ABCA2: variants seen among roughly 807,000 people sequenced by gnomAD.
ABCA2 encodes the protein ATP binding cassette subfamily A member 2, also known as ATP-binding cassette sub-family A member 2.
A neutral mutation model predicts 262.8 loss-of-function variants in ABCA2; 84 were observed. The ratio of observed to expected loss-of-function variants is 0.32; its 90% CI spans 0.27 to 0.38. The LOEUF is 0.38. ABCA2 is among the 10% of genes least tolerant of loss of function. The pLI, the probability that ABCA2 is intolerant of heterozygous loss-of-function variation, is 1.00. For missense variants in ABCA2, 2,662 were observed against 3,405.9 expected, an observed-to-expected ratio of 0.78 and a Z score of 5.44; for synonymous variants, 1,696 against 1,502.9, an observed-to-expected ratio of 1.13 and a Z score of -2.97.
intron 6 of ABCA2, 96 bp from the exon 7 acceptor site, chr9:137,022,097 G>T (rs1831479377): frequency 1.4e-6 from 1 of 699,636 alleles, no homozygotes. Context: ...GCGTGGCTTA[G>T]ATGGTGGGGG....
chr9:137,028,574 G>C, upstream of ABCA2: 1 of 775,162 alleles, frequency 1.3e-6, no homozygotes, highest in South Asian at 3.0e-5. This position sits in a 1 kb window ranked among gnomAD's most constrained non-coding sequence, Gnocchi z 6.9. Flanking sequence ...TGCGCCCACC[G>C]CGCTGGCGAC....
intron 3 of ABCA2, chr9:137,023,548 A>G: frequency 1.3e-6 from 1 of 748,212 alleles, no homozygotes; most frequent in Non-Finnish European, 2.5e-6. Flanking sequence ...GCCCAGACTC[A>G]GCCCAGAAGC....
In ABCA2 at chr9:137,016,982, A is replaced by C. The variant is rs1430073421; in HGVS notation, c.2696T>G (p.Met899Arg). Reference sequence around the variant, plus strand: ...ATAGACCACGGCGTCCACCATCAGCATGGTGACAGCCAGGAGCAAGTTGAA... The same window carrying C: ...ATAGACCACGGCGTCCACCATCAGCCTGGTGACAGCCAGGAGCAAGTTGAA... The part of the protein sequence containing the change: ...DDFNLLLAVT[M>R]LMVDAVVYGI... The change falls in exon 19 of 49, where the codon ATG becomes AGG. Residue 899 changes from methionine (M) to arginine (R), a missense_variant. This residue lies in a region of ABCA2 where 188 missense variants were observed against 343.4 expected (regional missense o/e 0.55). Transcript: ENST00000341511. The C allele has an allele frequency of 6.2e-7, 1 of 1,612,804 alleles. No individual in the cohort carries two copies. Among genetic ancestry groups the C allele is most frequent in the Admixed American group, 1.7e-5 (1 of 60,024 alleles).
Position 137,010,057 on chromosome 9 carries a change from C to T in ABCA2, c.6421G>A (p.Asp2141Asn), listed in dbSNP as rs755962897. ...GYCPQCDALF[D>N]ELTAREHLQL... ...AGGTGCTCCCGGGCCGTGAGCTCGT[C>T]GAACAGCGCGTCACACTGCGGGCAG... Residue 2141 changes from aspartate to asparagine, a missense_variant, in exon 42 of 49, where the codon GAC (aspartate) becomes AAC (asparagine). Physicochemically the swap from Asp to Asn is conservative, Grantham distance 23. This residue lies in a region of ABCA2 where 602 missense variants were observed against 897.4 expected (regional missense o/e 0.67). Transcript: ENST00000341511. 5.6e-6 allele frequency: 9 copies of T among 1,601,144 alleles called. No homozygotes were observed. The Admixed American group carries it at 6.7e-5, about 12-fold the overall frequency.
Position 137,007,812 on chromosome 9 carries a change from T to C in ABCA2, c.*117A>G, listed in dbSNP as rs1038346308. 1.4e-6 allele frequency: 2 copies of C among 1,428,638 alleles called. No homozygotes were observed. The highest frequency in any genetic ancestry group is 1.4e-5 in the African/African-American group (1 of 70,816). 88.5% of individuals were successfully genotyped at this position (1,428,638 alleles called of 1,614,324 possible). Reference sequence around the variant, plus strand: ...TGGAGGACCAGAAGCCCCTTGGTCCTGAACCTCCACTCCAGGCCCTGGCAG... The same window carrying C: ...TGGAGGACCAGAAGCCCCTTGGTCCCGAACCTCCACTCCAGGCCCTGGCAG... On this transcript the variant is annotated 3_prime_UTR_variant, in exon 49 of 49. Transcript: ENST00000341511.
rs748712918 is a variant in ABCA2, at chr9:137,016,105, C to T, written c.3174G>A (p.Thr1058=). Residue 1058 remains threonine (T), a synonymous_variant, in exon 22 of 49, where the codon ACG becomes ACA. Transcript: ENST00000341511. ...GGTTCTTGCGGATCTCATCCATCTC[C>T]GTGCGGATGTCGTGCCCGTAGATGG... ...SATIYGHDIR[T]EMDEIRKNLG... 33 of 1,612,740 alleles carry T rather than the reference C, an allele frequency of 2.0e-5. No individual in the cohort carries two copies. The highest frequency in any genetic ancestry group is 1.6e-4 in the Middle Eastern group (1 of 6,084).
chr9:137,013,473 C>G lies in ABCA2; in HGVS notation c.4538G>C (p.Arg1513Pro). ...CTGGAGGCCTCACCGGTACTCGCGG[C>G]GCTCCTCGTTGGCGTAGGGGATGAA... ...GNFIPYANEE[R>P]REYRLRLSPD... The change falls in exon 29 of 49, where the codon CGC (arginine) becomes CCC (proline). Residue 1513 changes from arginine to proline, a missense_variant. By Grantham distance (103) the Arg-to-Pro change is moderately radical. Coordinates refer to ENST00000341511, the MANE Select transcript of ABCA2 (RefSeq NM_001606.5). The G allele has an allele frequency of 6.2e-7, 1 of 1,606,790 alleles. No individual in the cohort carries two copies. The highest frequency in any genetic ancestry group is 8.5e-7 in the Non-Finnish European group (1 of 1,178,230).
At position 137,016,338 on chromosome 9, in the gene ABCA2, C is replaced by T. The variant is rs775810666; in HGVS notation, c.3057G>A (p.Gln1019=). 6.2e-7 allele frequency: 1 copy of T among 1,612,898 alleles called. No individual in the cohort carries two copies. Among genetic ancestry groups the T allele is most frequent in the Admixed American group, 1.7e-5 (1 of 60,022 alleles). The part of the protein sequence containing the change: ...NKLSLNLYEN[Q]VVSFLGHNGA... ...CGTTGTGGCCCAAGAAGGAGACCAC[C>T]TGGTTCTCGTAGAGGTTCAGGCTCA... Residue 1019 remains glutamine, a synonymous_variant, in exon 21 of 49, where the codon CAG becomes CAA. Coordinates refer to ENST00000341511, the MANE Select transcript of ABCA2 (RefSeq NM_001606.5).
chr9:137,023,081 C>T (rs367626130), intron 3 of ABCA2, 29 bp from the exon 4 acceptor site: 9 of 1,511,048 alleles, frequency 6.0e-6, no homozygotes, highest in Non-Finnish European at 7.2e-6. Context: ...AGGGCAGGGT[C>T]GGGGGTGAAA....
Position 137,020,981 on chromosome 9 carries a change from G to C in ABCA2, c.978C>G (p.Asp326Glu). 1 of 1,536,542 alleles carries C rather than the reference G, an allele frequency of 6.5e-7. No individual in the cohort carries two copies. Among genetic ancestry groups the C allele is most frequent in the Non-Finnish European group, 8.8e-7 (1 of 1,140,718 alleles). Reference sequence around the variant, plus strand: ...GCAGAACCTTCTGGGCATCCAGCAGGTCCCCCAGAAGCGCCTGCAGCCTCC... The same window carrying C: ...GCAGAACCTTCTGGGCATCCAGCAGCTCCCCCAGAAGCGCCTGCAGCCTCC... The part of the protein sequence containing the change: ...PPRRLQALLG[D>E]LLDAQKVLQD... The change falls in exon 9 of 49, where the codon GAC becomes GAG. Residue 326 changes from aspartate to glutamate, a missense_variant. By Grantham distance (45) the Asp-to-Glu change is conservative. Around this residue, in one of 12 missense-constraint regions of ABCA2, gnomAD observed 403 missense variants for 375.9 expected, o/e 1.07. Transcript: ENST00000341511.
rs1242555147 is a variant in ABCA2, at chr9:137,009,013, T to C, written c.6868A>G (p.Ser2290Gly). Reference protein sequence around the residue: ...GYMITVRTKSSQSVKDVVRFF... With the variant: ...GYMITVRTKSGQSVKDVVRFF... Reference sequence around the variant, plus strand: ...CGCACCACGTCCTTCACACTCTGGCTGCTCTTGGTCCGCACCGTGATCATG... The same window carrying C: ...CGCACCACGTCCTTCACACTCTGGCCGCTCTTGGTCCGCACCGTGATCATG... Residue 2290 changes from serine (S) to glycine (G), a missense_variant, in exon 46 of 49, where the codon AGC (serine) becomes GGC (glycine). By Grantham distance (56) the Ser-to-Gly change is moderately conservative (BLOSUM62 0). Transcript: ENST00000341511. The C allele has an allele frequency of 1.2e-6, 2 of 1,607,944 alleles. No individual in the cohort carries two copies. The highest frequency in any genetic ancestry group is 3.3e-5 in the Admixed American group (2 of 59,792).
In ABCA2 at chr9:137,018,217, C is replaced by T; in HGVS notation, c.1954G>A (p.Gly652Ser). The T allele has an allele frequency of 1.9e-6, 3 of 1,611,284 alleles. No homozygotes were observed. Among genetic ancestry groups the T allele is most frequent in the Middle Eastern group, 1.7e-4 (1 of 6,058 alleles). Residue 652 changes from glycine to serine, a missense_variant, in exon 14 of 49, where the codon GGC (glycine) becomes AGC (serine). Transcript: ENST00000341511. ...AYWRPGPNTGGRFYFLYGFVW... is the reference protein window; with the variant it reads ...AYWRPGPNTGSRFYFLYGFVW... ...AAGCCGTAGAGGAAGTAGAAGCGGC[C>T]GCCAGTATTGGGCCCAGGCCGCCAG...
chr9:137,011,046 C>T lies in ABCA2; in HGVS notation c.5983G>A (p.Ala1995Thr). 6.2e-7 allele frequency: 1 copy of T among 1,611,348 alleles called. No individual in the cohort carries two copies. Among genetic ancestry groups the T allele is most frequent in the Non-Finnish European group, 8.5e-7 (1 of 1,179,608 alleles). ...EWDIVTRGLV[A>T]MAVEGVVGFL... The stretch of plus-strand genomic sequence containing the variant: ...CCCACGACGCCCTCAACCGCCATGG[C>T]CACCAGTCCGCGGGTGACAATGTCC... Residue 1995 changes from alanine to threonine, a missense_variant, in exon 39 of 49, where the codon GCC (alanine) becomes ACC (threonine). By Grantham distance (58) the Ala-to-Thr change is moderately conservative. Around this residue, in one of 12 missense-constraint regions of ABCA2, gnomAD observed 602 missense variants for 897.4 expected, o/e 0.67. Coordinates refer to ENST00000341511, the MANE Select transcript of ABCA2 (RefSeq NM_001606.5). This position sits in a 1 kb window ranked among gnomAD's most constrained non-coding sequence, Gnocchi z 8.8.
In ABCA2 at chr9:137,007,556, A is replaced by C; in HGVS notation, c.*373T>G. On this transcript the variant is annotated 3_prime_UTR_variant, in exon 49 of 49. Transcript: ENST00000341511. ...CGCTCTCGGCATCAGCCTTCATCGT[A>C]AGAGAGAAAAGCTGGTTCCGAGGCC... is the stretch of plus-strand genomic sequence containing the variant. 2 of 333,146 alleles carry C rather than the reference A, an allele frequency of 6.0e-6. No individual in the cohort carries two copies. Among genetic ancestry groups the C allele is most frequent in the Admixed American group, 4.4e-5 (1 of 22,484 alleles). The allele number at this position is 333,146 out of a possible 1,614,324, so 20.6% of individuals were successfully genotyped here. A position where few individuals can be genotyped will look rare whatever the true frequency, so the allele number is the denominator to read the frequency against.
At position 137,012,298 on chromosome 9, in the gene ABCA2, G is replaced by T. The variant is rs747080904; in HGVS notation, c.5266C>A (p.Leu1756Met). The T allele has an allele frequency of 6.2e-7, 1 of 1,611,780 alleles. No homozygotes were observed. The highest frequency in any genetic ancestry group is 2.2e-5 in the East Asian group (1 of 44,830). The change falls in exon 33 of 49, where the codon CTG (leucine) becomes ATG (methionine). Residue 1756 changes from leucine (L) to methionine (M), a missense_variant. By Grantham distance (15) the Leu-to-Met change is conservative. Around this residue, in one of 12 missense-constraint regions of ABCA2, gnomAD observed 602 missense variants for 897.4 expected, o/e 0.67. Transcript: ENST00000341511. ...GCCGGGTTGCCCTTGCTCTTGGGCA[G>T]GTTGGCACGCAGGATGGCGTTGTTG... Reference protein sequence around the residue: ...SLNNAILRANLPKSKGNPAAY... With the variant: ...SLNNAILRANMPKSKGNPAAY...
At position 137,017,198 on chromosome 9, in the gene ABCA2, C is replaced by T. The variant is rs1396280548; in HGVS notation, c.2551G>A (p.Ala851Thr). Residue 851 changes from alanine (A) to threonine (T), a missense_variant and splice_region_variant, in exon 18 of 49, where the codon GCG (alanine) becomes ACG (threonine). Physicochemically the swap from Ala to Thr is moderately conservative, Grantham distance 58. Coordinates refer to ENST00000341511, the MANE Select transcript of ABCA2 (RefSeq NM_001606.5). ...DKITAFEKCI[A>T]SLMSTTAFGL... ...GCCCGCCTGCCCGCGACCCTCACCGCGATGCACTTCTCGAAGGCCGTGATC... is the reference window on the plus strand; with the variant it reads ...GCCCGCCTGCCCGCGACCCTCACCGTGATGCACTTCTCGAAGGCCGTGATC... 1 of 1,612,482 alleles carries T rather than the reference C, an allele frequency of 6.2e-7. No homozygotes were observed. The highest frequency in any genetic ancestry group is 8.5e-7 in the Non-Finnish European group (1 of 1,179,826).
chr9:137,017,496 G>A lies in ABCA2; in HGVS notation c.2402+6C>T, dbSNP rs376898011. On this transcript the variant is annotated splice_donor_region_variant and intron_variant, in intron 17 of 48. Transcript: ENST00000341511. ...CCAGGTCCCTCCTACCATGGCCCGC[G>A]CTCACCAGAACATGATGGTGGCCAC... 2.2e-5 allele frequency: 36 copies of A among 1,605,162 alleles called. No individual in the cohort carries two copies. The highest frequency in any genetic ancestry group is 2.7e-5 in the Non-Finnish European group (32 of 1,174,002).
Position 137,022,875 on chromosome 9 carries a change from G to T in ABCA2, c.276-10C>A. 6.3e-7 allele frequency: 1 copy of T among 1,576,922 alleles called. No individual in the cohort carries two copies. Among genetic ancestry groups the T allele is most frequent in the African/African-American group, 1.3e-5 (1 of 74,480 alleles). On this transcript the variant is annotated splice_polypyrimidine_tract_variant and intron_variant, in intron 4 of 48. Transcript: ENST00000341511. ...AAGCAGCTGCGTGACCCTGCACCAT[G>T]GCGGATGTCACTCACTGGATGGGCT...
chr9:137,020,583 G>C lies in ABCA2; in HGVS notation c.1266-88C>G, dbSNP rs111764207. 3 of 1,545,198 alleles carry C rather than the reference G, an allele frequency of 1.9e-6. No individual in the cohort carries two copies. In the African/African-American group the frequency reaches 4.1e-5, roughly 21 times the overall value. The stretch of plus-strand genomic sequence containing the variant: ...GGCATCGGGATGGGGCAGGACTTCG[G>C]GGCACAGGGCAGGGCGCCAAATGAG... On this transcript the variant is annotated intron_variant, in intron 9 of 48. Coordinates refer to ENST00000341511, the MANE Select transcript of ABCA2 (RefSeq NM_001606.5).
Sources: allele counts gnomAD v4.1 joint callset, GRCh38; gene constraint gnomAD v4.1.1; regional missense constraint gnomAD v4.1.1; non-coding constraint Gnocchi (gnomAD v3.1); transcripts MANE v1.5; gene names NCBI Gene and HGNC (gene_info 2026-07-23, HGNC 2026-07-21).